IFT80: variants seen among roughly 807,000 people sequenced by gnomAD.
The protein encoded by IFT80 is intraflagellar transport 80.
A neutral mutation model predicts 107.9 loss-of-function variants in IFT80; 79 were observed. The ratio of observed to expected loss-of-function variants is 0.73; its 90% CI spans 0.61 to 0.88. The LOEUF (loss-of-function observed/expected upper bound fraction) is 0.88, where lower values mean the gene tolerates loss of function less well. Among genes scored for constraint, IFT80 ranks in the 40% least tolerant of loss-of-function variants. The probability of loss-of-function intolerance (pLI) is 0.00; values close to 1 mark genes in which losing one functional copy is unlikely to be tolerated. For missense variants in IFT80, 797 were observed against 914.2 expected (o/e 0.87, Z 1.65); for synonymous variants, 299 against 300.9 (o/e 0.99, Z 0.07).
chr3:160,397,502 T>C (rs1713870986), intron 1 of IFT80, among the ~76,000 whole-genome samples: 1 of 152,166 alleles, frequency 6.6e-6, no homozygotes, highest in South Asian at 2.1e-4. Context: ...CAAATCCTTA[T>C]GGAGCATGTG....
At chr3:160,382,385 G>A (rs1052387358) in intron 2 of IFT80, among the ~76,000 whole-genome samples, 6 of 151,836 alleles carry the variant, frequency 4.0e-5, no homozygotes, top group Non-Finnish European at 8.8e-5. Context: ...ATTAAAATTA[G>A]GAAATAATTC....
chr3:160,278,131 C>T (rs533940067), intron 16 of IFT80, among the ~76,000 whole-genome samples: 1 of 152,030 alleles, frequency 6.6e-6, no homozygotes, highest in African/African-American at 2.4e-5. Flanking sequence ...AAAAGCAGCC[C>T]CCAAATCATT....
chr3:160,345,249 A>C (rs1720206481), intron 8 of IFT80, among the ~76,000 whole-genome samples: 1 of 152,244 alleles, frequency 6.6e-6, no homozygotes, highest in Non-Finnish European at 1.5e-5. Flanking sequence ...AGTACTATTC[A>C]GCCATAAAAA....
intron 8 of IFT80, among the ~76,000 whole-genome samples, chr3:160,327,881 C>T (rs1718787979): frequency 6.6e-6 from 1 of 151,934 alleles, no homozygotes; most frequent in Admixed American, 6.6e-5. Flanking sequence ...CAAAAGAAAC[C>T]ATCAACAGGG....
chr3:160,378,433 G>C (rs1712210440), intron 3 of IFT80, among the ~76,000 whole-genome samples: 1 of 151,884 alleles, frequency 6.6e-6, no homozygotes, highest in African/African-American at 2.4e-5. Flanking sequence ...TCTGTCCATT[G>C]AAAGGGCCTT....
chr3:160,270,614 AAAGTTACTAGAATAT>A (rs1367978835), intron 18 of IFT80, among the ~76,000 whole-genome samples: 6 of 152,210 alleles, frequency 3.9e-5, no homozygotes, highest in African/African-American at 1.4e-4. Flanking sequence ...AAAAGAATGT[AAAGTTACTAGAATAT>A]AGAGGGGAAA....
At chr3:160,299,728 C>T (rs906668372) in intron 12 of IFT80, among the ~76,000 whole-genome samples, 4 of 152,120 alleles carry the variant, frequency 2.6e-5, no homozygotes, top group Admixed American at 6.6e-5. Context: ...ACCTCTCTCC[C>T]GAGCCTTGGA....
intron 8 of IFT80, among the ~76,000 whole-genome samples, chr3:160,327,566 A>T (rs1478021011): frequency 6.6e-6 from 1 of 152,196 alleles, no homozygotes; most frequent in Non-Finnish European, 1.5e-5. Context: ...TGACAAAACA[A>T]GCAATGAGGA....
At position 160,301,117 on chromosome 3, in the gene IFT80, T is replaced by C. The variant is rs144795549; in HGVS notation, c.1152-71A>G. The C allele has an allele frequency of 2.8e-5, 38 of 1,338,866 alleles. No homozygotes were observed. The East Asian group carries it at 5.1e-4, about 18-fold the overall frequency. 82.9% of individuals were successfully genotyped at this position (1,338,866 alleles called of 1,614,324 possible). On this transcript the variant is annotated intron_variant, in intron 11 of 19. Coordinates refer to ENST00000326448, the MANE Select transcript of IFT80 (RefSeq NM_020800.3). ...TTATTTTTGTTTTCATATTACAGAA[T>C]AGTTTATCCTTGGGAAAAAAAATCT...
At chr3:160,374,179 C>T (rs1170360185) in intron 5 of IFT80, among the ~76,000 whole-genome samples, 1 of 151,968 alleles carries the variant, frequency 6.6e-6, no homozygotes, top group Non-Finnish European at 1.5e-5. Flanking sequence ...GGCACAGTGG[C>T]TCACACCTGC....
At chr3:160,383,004 C>T (rs1056929567) in intron 2 of IFT80, among the ~76,000 whole-genome samples, 10 of 152,088 alleles carry the variant, frequency 6.6e-5, no homozygotes, top group African/African-American at 1.4e-4. Context: ...TTATTGCTGT[C>T]GCCTAAACAA....
chr3:160,366,177 A>G, intron 5 of IFT80, 25 bp from the exon 6 acceptor site: 1 of 1,517,384 alleles, frequency 6.6e-7, no homozygotes, highest in South Asian at 1.1e-5. Context: ...AAGAAAAAAA[A>G]AAGGCTGATA....
intron 1 of IFT80, among the ~76,000 whole-genome samples, chr3:160,391,927 G>A (rs1326328522): frequency 6.6e-6 from 1 of 152,218 alleles, no homozygotes; most frequent in Non-Finnish European, 1.5e-5. Flanking sequence ...TATCTTGAAT[G>A]TGGAGACTGA....
chr3:160,267,935 T>G (rs2108208888), intron 19 of IFT80, among the ~76,000 whole-genome samples: 1 of 152,162 alleles, frequency 6.6e-6, no homozygotes, highest in Admixed American at 6.5e-5. Flanking sequence ...AAAGGCTGAG[T>G]CTTCTTTGGT....
At position 160,356,047 on chromosome 3, in the gene IFT80, G is replaced by A. The variant is rs754764834; in HGVS notation, c.743C>T (p.Ser248Leu). Residue 248 changes from serine to leucine, a missense_variant, in exon 8 of 20, where the codon TCG (serine) becomes TTG (leucine). Physicochemically the swap from Ser to Leu is moderately radical, Grantham distance 145. Transcript: ENST00000326448. ...ATCACACAAGCGTAAAGTATGAAAC[G>A]ATCCAACAGCAAATAATTCTCCATC... ...APDGELFAVG[S>L]FHTLRLCDKT... The A allele has an allele frequency of 9.3e-6, 15 of 1,613,884 alleles. No individual in the cohort carries two copies. The East Asian group carries it at 1.3e-4, about 14-fold the overall frequency.
chr3:160,294,188 G>T (rs1163109486), intron 12 of IFT80, among the ~76,000 whole-genome samples: 1 of 152,092 alleles, frequency 6.6e-6, no homozygotes, highest in African/African-American at 2.4e-5. Flanking sequence ...CATCTGAAGT[G>T]AGGTCAGTCT....
intron 3 of IFT80, 154 bp from the exon 4 acceptor site, chr3:160,377,694 C>T: frequency 2.1e-6 from 1 of 474,392 alleles, no homozygotes; most frequent in East Asian, 3.4e-5. Context: ...AAAATAGGCA[C>T]AAAAACAAAA....
At chr3:160,381,950 G>A (rs1205533973) in intron 2 of IFT80, among the ~76,000 whole-genome samples, 1 of 152,070 alleles carries the variant, frequency 6.6e-6, no homozygotes, top group Non-Finnish European at 1.5e-5. Flanking sequence ...GATGCCAAAA[G>A]GTGGGGGAGA....
rs1712465240 is a variant in IFT80 at position 160,257,616 on chromosome 3, A to C, written c.*909T>G. Reference sequence around the variant, plus strand: ...ATTATGATAAAATATACATAACAAAATTTACCATTTTAACCATTTTTATGG... The same window carrying C: ...ATTATGATAAAATATACATAACAAACTTTACCATTTTAACCATTTTTATGG... On this transcript the variant is annotated 3_prime_UTR_variant, in exon 20 of 20. Transcript: ENST00000326448. 6.6e-6 allele frequency: 1 copy of C among 152,178 alleles called. No individual in the cohort carries two copies. Among genetic ancestry groups the C allele is most frequent in the African/African-American group, 2.4e-5 (1 of 41,428 alleles). The allele number at this position is 152,178 out of a possible 1,614,324, so 9.4% of individuals were successfully genotyped here.
Sources: allele counts gnomAD v4.1 joint callset (sites outside exome capture counted in the v4.1 genomes callset), GRCh38; gene constraint gnomAD v4.1.1; transcripts MANE v1.5; gene names NCBI Gene and HGNC (gene_info 2026-07-23, HGNC 2026-07-21).